Variants in RSPO2 observed in about 807,000 individuals in gnomAD.
The protein encoded by RSPO2 is R-spondin 2, also known as R-spondin-2.
In RSPO2, 14 loss-of-function variants were observed where a neutral mutation model predicts 30.9. The observed-to-expected ratio is 0.45, with a 90% CI of 0.30 to 0.71. The LOEUF is 0.71. Ranked by LOEUF, RSPO2 falls within the 30% of genes least tolerant of loss-of-function variation. RSPO2 has a pLI of 0.08. For synonymous variants in RSPO2, 107 were observed against 96.4 expected (o/e 1.11, Z -0.64); for missense variants, 264 against 301.9 (o/e 0.87, Z 0.93).
At chr8:108,080,221 AC>A (rs1813151099) in intron 2 of RSPO2, among the ~76,000 whole-genome samples, 1 of 152,318 alleles carries the variant, frequency 6.6e-6, no homozygotes, top group Admixed American at 6.5e-5. Context: ...AAGTAGTTCC[AC>A]TTTTAATTAA....
intron 2 of RSPO2, among the ~76,000 whole-genome samples, chr8:108,080,194 T>C (rs1813150371): frequency 6.6e-6 from 1 of 152,216 alleles, no homozygotes; most frequent in South Asian, 2.1e-4. Flanking sequence ...CACCCTACAC[T>C]GTCTGGCCAG....
chr8:108,074,001 G>T (rs964023534), intron 2 of RSPO2, among the ~76,000 whole-genome samples: 3 of 152,128 alleles, frequency 2.0e-5, no homozygotes, highest in African/African-American at 2.4e-5. Flanking sequence ...ATGAAACTTG[G>T]ACCTCTTTGA....
chr8:108,002,261 C>A (rs542732462), intron 2 of RSPO2, among the ~76,000 whole-genome samples: 32 of 152,274 alleles, frequency 2.1e-4, no homozygotes, highest in Non-Finnish European at 4.0e-4. Flanking sequence ...AACCACCACC[C>A]TCACATGGTT....
At chr8:108,021,794 A>T (rs778497577) in intron 2 of RSPO2, among the ~76,000 whole-genome samples, 3 of 151,976 alleles carry the variant, frequency 2.0e-5, no homozygotes, top group Non-Finnish European at 4.4e-5. Flanking sequence ...GGACAAGGGG[A>T]GGGACAGCAT....
Position 108,082,680 on chromosome 8 carries a change from G to A in RSPO2, c.-42C>T, listed in dbSNP as rs1441398228. ...GGGAGAGACGCCTCTCAAAGTCTAG[G>A]AACTGGAGGGTTCGCCCAAAGAGCC... On this transcript the variant is annotated 5_prime_UTR_variant, in exon 2 of 6. Coordinates refer to ENST00000276659, the MANE Select transcript of RSPO2 (RefSeq NM_178565.5). The A allele has an allele frequency of 1.9e-6, 3 of 1,544,546 alleles. No homozygotes were observed. Among genetic ancestry groups the A allele is most frequent in the Non-Finnish European group, 2.7e-6 (3 of 1,119,436 alleles).
chr8:108,072,492 A>ATTTTTTTTTTTTT (rs71308776), intron 2 of RSPO2, among the ~76,000 whole-genome samples: 5 of 122,658 alleles, frequency 4.1e-5, no homozygotes, highest in African/African-American at 1.6e-4. Flanking sequence ...AGCCCGGCTA[A>ATTTTTTTTTTTTT]TTTTTTTTTT....
rs572866947 is a variant in RSPO2 at position 108,059,029 on chromosome 8, A to G, written c.94+23516T>C. Among the ~76,000 whole-genome samples the G allele has an allele frequency of 2.0e-3, 303 of 152,004 alleles. 9 individuals are homozygous for G. The highest frequency in any genetic ancestry group is 7.0e-3 in the African/African-American group (291 of 41,280). ...TAATTAAACTCAAGAGCTTCTGCACAGCAAAAGAAATTACCATCAGAGTGA... is the reference window on the plus strand; with the variant it reads ...TAATTAAACTCAAGAGCTTCTGCACGGCAAAAGAAATTACCATCAGAGTGA... On this transcript the variant is annotated intron_variant, in intron 2 of 5. Coordinates refer to ENST00000276659, the MANE Select transcript of RSPO2 (RefSeq NM_178565.5).
intron 2 of RSPO2, among the ~76,000 whole-genome samples, chr8:108,024,975 T>C (rs1811164760): frequency 1.3e-5 from 2 of 152,100 alleles, no homozygotes; most frequent in Admixed American, 6.5e-5. Context: ...GCCGAGATCA[T>C]GCCACTGTAC....
chr8:108,018,856 G>A (rs1489919338), intron 2 of RSPO2, among the ~76,000 whole-genome samples: 2 of 152,072 alleles, frequency 1.3e-5, no homozygotes, highest in South Asian at 2.1e-4. Context: ...TATATTTAAT[G>A]ATTCATATTT....
intron 5 of RSPO2, among the ~76,000 whole-genome samples, chr8:107,951,809 T>C (rs1813257345): frequency 6.6e-6 from 1 of 152,168 alleles, no homozygotes; most frequent in African/African-American, 2.4e-5. Context: ...TTGTCTCATG[T>C]CCACCCCCTC....
chr8:108,059,570 C>A (rs1417756861), intron 2 of RSPO2, among the ~76,000 whole-genome samples: 1 of 149,862 alleles, frequency 6.7e-6, no homozygotes, highest in African/African-American at 2.5e-5. Context: ...TATTGCGGCA[C>A]TATTCACAAT....
chr8:108,033,342 C>T (rs1811489762), intron 2 of RSPO2, among the ~76,000 whole-genome samples: 1 of 152,078 alleles, frequency 6.6e-6, no homozygotes, highest in Admixed American at 6.5e-5. Flanking sequence ...ATGCCATGAC[C>T]CCAGTCCAGC....
rs1222193976 is a variant in RSPO2 at position 108,082,612 on chromosome 8, G to A, written c.27C>T (p.Ala9=). The part of the protein sequence containing the change: MQFRLFSF[A]LIILNCMDYS... ...AATCCATGCAGTTCAGAATGATGAG[G>A]GCAAAGGAGAAAAGGCGAAACTGCA... Residue 9 remains alanine, a synonymous_variant, in exon 2 of 6, where the codon GCC becomes GCT. Coordinates refer to ENST00000276659, the MANE Select transcript of RSPO2 (RefSeq NM_178565.5). The A allele has an allele frequency of 1.2e-6, 2 of 1,614,118 alleles. No individual in the cohort carries two copies. Among genetic ancestry groups the A allele is most frequent in the Non-Finnish European group, 1.7e-6 (2 of 1,179,996 alleles).
rs373346436 is a variant in RSPO2, at chr8:107,937,101, T to A, written c.616+20979A>T. Reference sequence around the variant, plus strand: ...TAAAGTGTTTTCCCTATTTTTTTACTAGTAGTTTTATGGTTTCAGGCCTTA... The same window carrying A: ...TAAAGTGTTTTCCCTATTTTTTTACAAGTAGTTTTATGGTTTCAGGCCTTA... On this transcript the variant is annotated intron_variant, in intron 5 of 5. Transcript: ENST00000276659. Among the ~76,000 whole-genome samples the A allele has an allele frequency of 5.3e-5, 8 of 151,960 alleles. No individual in the cohort carries two copies. The East Asian group carries it at 9.7e-4, about 18-fold the overall frequency.
intron 2 of RSPO2, among the ~76,000 whole-genome samples, chr8:108,061,522 C>G (rs923437534): frequency 6.6e-6 from 1 of 151,704 alleles, no homozygotes; most frequent in Non-Finnish European, 1.5e-5. Flanking sequence ...CGGGAGCACC[C>G]AGATTCATAA....
intron 3 of RSPO2, among the ~76,000 whole-genome samples, chr8:107,962,704 C>A (rs1813669233): frequency 6.6e-6 from 1 of 151,540 alleles, no homozygotes; most frequent in Non-Finnish European, 1.5e-5. Context: ...TTTTAAAAAA[C>A]AAGCAGCCCT....
chr8:107,981,805 C>T (rs763568487), intron 3 of RSPO2, among the ~76,000 whole-genome samples: 2 of 151,868 alleles, frequency 1.3e-5, no homozygotes, highest in African/African-American at 2.4e-5. Context: ...AACCAGCCAA[C>T]ATGGCAAGAC....
chr8:107,940,449 A>C (rs1563530539), intron 5 of RSPO2, among the ~76,000 whole-genome samples: 1 of 152,120 alleles, frequency 6.6e-6, no homozygotes, highest in Non-Finnish European at 1.5e-5. Flanking sequence ...GCATGTTTTA[A>C]AAAAGAAAAA....
At chr8:108,058,153 C>G (rs1392268157) in intron 2 of RSPO2, among the ~76,000 whole-genome samples, 1 of 151,994 alleles carries the variant, frequency 6.6e-6, no homozygotes, top group Admixed American at 6.6e-5. Context: ...CCATCAATAC[C>G]TAATATATTG....
Sources: allele counts gnomAD v4.1 joint callset (sites outside exome capture counted in the v4.1 genomes callset), GRCh38; gene constraint gnomAD v4.1.1; transcripts MANE v1.5; gene names NCBI Gene and HGNC (gene_info 2026-07-23, HGNC 2026-07-21).